The following CDC40 variants were observed in gnomAD, a reference collection of about 807,000 sequenced individuals.
CDC40 encodes the protein pre-mRNA-processing factor 17.
CDC40 carries 27 observed loss-of-function variants against 80.6 expected under a neutral mutation model. That is an observed-to-expected ratio of 0.33 (90% CI 0.25 to 0.46). The LOEUF (loss-of-function observed/expected upper bound fraction) is 0.46. CDC40 is among the 20% of genes least tolerant of loss of function. CDC40 has a pLI of 1.00. For missense variants in CDC40, 486 were observed against 694.1 expected (o/e 0.70, Z 3.37); for synonymous variants, 221 against 232.6 (o/e 0.95, Z 0.45).
intron 1 of CDC40, among the ~76,000 whole-genome samples, chr6:110,181,516 A>G (rs1477688151): frequency 6.6e-6 from 1 of 152,214 alleles, no homozygotes; most frequent in East Asian, 1.9e-4. Flanking sequence ...AGTCTAGTTT[A>G]ATGACTTAAG....
At chr6:110,198,204 G>A (rs1014646018) in intron 2 of CDC40, among the ~76,000 whole-genome samples, 2 of 147,322 alleles carry the variant, frequency 1.4e-5, no homozygotes, top group Non-Finnish European at 3.0e-5. Flanking sequence ...TTTGAGAGGA[G>A]TCTCGCTCTG....
At chr6:110,182,501 G>C (rs900863443) in intron 1 of CDC40, among the ~76,000 whole-genome samples, 1 of 152,144 alleles carries the variant, frequency 6.6e-6, no homozygotes, top group Non-Finnish European at 1.5e-5. Context: ...AGTTGAAGCC[G>C]AGAACAAAGA....
At chr6:110,182,213 A>G (rs1375513366) in intron 1 of CDC40, among the ~76,000 whole-genome samples, 1 of 152,226 alleles carries the variant, frequency 6.6e-6, no homozygotes, top group Non-Finnish European at 1.5e-5. Flanking sequence ...TAACAGAATT[A>G]TAATAATTGT....
chr6:110,190,229 G>T (rs1010702195), intron 1 of CDC40, among the ~76,000 whole-genome samples: 1 of 152,200 alleles, frequency 6.6e-6, no homozygotes, highest in Non-Finnish European at 1.5e-5. Context: ...GGAAAAATAA[G>T]AAGGCGGCAT....
At chr6:110,210,552 G>GGAA (rs1214475949) in intron 5 of CDC40, among the ~76,000 whole-genome samples, 155 bp from the exon 6 acceptor site, 4 of 64,468 alleles carry the variant, frequency 6.2e-5, no homozygotes, top group Admixed American at 1.9e-4. Flanking sequence ...ACTCATCTCA[G>GGAA]AAAAAAAAAA....
Position 110,208,698 on chromosome 6 carries a change from T to C in CDC40, c.491-386T>C, listed in dbSNP as rs185323844. Among the ~76,000 whole-genome samples, 205 of 152,338 alleles carry C rather than the reference T, an allele frequency of 1.3e-3. 1 individual carries two copies. Among genetic ancestry groups the C allele is most frequent in the Middle Eastern group, 6.8e-3 (2 of 294 alleles). ...TTGCTTCCAAATGTCACTTTATTAT[T>C]ACTTAGCAATAATGAGTTTCTGAGT... On this transcript the variant is annotated intron_variant, in intron 4 of 14. Coordinates refer to ENST00000307731, the MANE Select transcript of CDC40 (RefSeq NM_015891.3).
At chr6:110,224,033 A>G (rs1584084237) in intron 12 of CDC40, among the ~76,000 whole-genome samples, 1 of 151,992 alleles carries the variant, frequency 6.6e-6, no homozygotes, top group Non-Finnish European at 1.5e-5. Flanking sequence ...GGGTTTCACC[A>G]TGTTGGCCAG....
chr6:110,206,115 A>T (rs994323076), intron 3 of CDC40, among the ~76,000 whole-genome samples: 1 of 152,082 alleles, frequency 6.6e-6, no homozygotes, highest in African/African-American at 2.4e-5. Flanking sequence ...TCTGTTCCCC[A>T]AAAGAAGTTC....
Position 110,197,346 on chromosome 6 carries a change from C to T in CDC40, c.276+4078C>T, listed in dbSNP as rs561320822. ...AAAAATTGTATATATTTACAATGTACAATGTGTTTTTTAATATGTATACAT... is the reference window on the plus strand; with the variant it reads ...AAAAATTGTATATATTTACAATGTATAATGTGTTTTTTAATATGTATACAT... On this transcript the variant is annotated intron_variant, in intron 2 of 14. Coordinates refer to ENST00000307731, the MANE Select transcript of CDC40 (RefSeq NM_015891.3). Among the ~76,000 whole-genome samples, 403 of 152,172 alleles carry T rather than the reference C, an allele frequency of 2.6e-3. 1 individual carries two copies. The highest frequency in any genetic ancestry group is 9.4e-3 in the African/African-American group (391 of 41,512).
chr6:110,204,976 T>C (rs1057424733), intron 3 of CDC40, among the ~76,000 whole-genome samples: 2 of 152,176 alleles, frequency 1.3e-5, no homozygotes, highest in African/African-American at 4.8e-5. Context: ...CCTATTTCTC[T>C]TCATCAAAGA....
At chr6:110,193,576 T>C (rs924928219) in intron 2 of CDC40, among the ~76,000 whole-genome samples, 1 of 152,064 alleles carries the variant, frequency 6.6e-6, no homozygotes, top group African/African-American at 2.4e-5. Context: ...GGCTAATTTT[T>C]TTGTATTTTT....
intron 2 of CDC40, among the ~76,000 whole-genome samples, chr6:110,193,955 T>A (rs1777385582): frequency 6.6e-6 from 1 of 152,154 alleles, no homozygotes; most frequent in African/African-American, 2.4e-5. Flanking sequence ...TGTAGTATAT[T>A]ACAAAACATC....
intron 2 of CDC40, among the ~76,000 whole-genome samples, chr6:110,194,988 C>T (rs1777400233): frequency 6.6e-6 from 1 of 152,138 alleles, no homozygotes; most frequent in African/African-American, 2.4e-5. Flanking sequence ...GAGAACCTCA[C>T]ATTAAATGTA....
intron 5 of CDC40, 147 bp downstream of exon 5, chr6:110,209,370 A>T: frequency 1.8e-6 from 1 of 554,520 alleles, no homozygotes; most frequent in Non-Finnish European, 3.2e-6. Context: ...ATATACAATA[A>T]AATTTATTTG....
chr6:110,226,661 C>T (rs1220992562), intron 13 of CDC40, among the ~76,000 whole-genome samples: 1 of 151,106 alleles, frequency 6.6e-6, no homozygotes, highest in Non-Finnish European at 1.5e-5. Flanking sequence ...GATCTTCCCT[C>T]CTCAGCCTCC....
chr6:110,222,244 G>C (rs1777787078), intron 12 of CDC40, among the ~76,000 whole-genome samples: 1 of 151,776 alleles, frequency 6.6e-6, no homozygotes, highest in Admixed American at 6.6e-5. Context: ...GACAGAGCAA[G>C]ACCCCATCTT....
intron 1 of CDC40, among the ~76,000 whole-genome samples, chr6:110,186,170 A>T (rs1439924684): frequency 6.6e-6 from 1 of 152,184 alleles, no homozygotes; most frequent in Non-Finnish European, 1.5e-5. Context: ...TATGCAAGAT[A>T]CCACTTTCTG....
At chr6:110,220,564 C>T (rs545525477) in intron 12 of CDC40, among the ~76,000 whole-genome samples, 1 of 151,724 alleles carries the variant, frequency 6.6e-6, no homozygotes, top group African/African-American at 2.4e-5. Flanking sequence ...CCTGCCTCAG[C>T]CTCCCAAGTA....
At chr6:110,213,269 A>G (rs1777659108) in intron 8 of CDC40, 109 bp downstream of exon 8, 4 of 723,764 alleles carry the variant, frequency 5.5e-6, no homozygotes, top group Non-Finnish European at 1.0e-5. Context: ...GAAGCTAATT[A>G]TTTTCTCTTA....
Sources: gnomAD v4.1 joint callset for allele counts (sites outside exome capture counted in the v4.1 genomes callset) on GRCh38, gnomAD v4.1.1 for gene constraint, MANE v1.5 for transcripts, NCBI Gene and HGNC (gene_info 2026-07-23, HGNC 2026-07-21) for gene names.